Variants in MED13 observed in about 807,000 individuals in gnomAD.
MED13 encodes mediator complex subunit 13.
In MED13, 23 loss-of-function variants were observed where a neutral mutation model predicts 225.2. That is an observed-to-expected ratio of 0.10 (90% confidence interval 0.07 to 0.14). The LOEUF is 0.14. MED13 is among the 10% of genes least tolerant of loss of function. MED13 has a pLI of 1.00. For missense variants in MED13, 2,197 were observed against 2,594.5 expected, an observed-to-expected ratio of 0.85 and a Z score of 3.33; for synonymous variants, 942 against 889.2, an observed-to-expected ratio of 1.06 and a Z score of -1.06.
chr17:62,043,624 A>G (rs756882335), intron 3 of MED13, among the ~76,000 whole-genome samples: 22 of 152,198 alleles, frequency 1.4e-4, no homozygotes, highest in Non-Finnish European at 2.9e-4. Flanking sequence ...TTAAACCCCT[A>G]GAACTGTGTT....
chr17:62,013,131 C>T (rs1188687301), intron 8 of MED13, among the ~76,000 whole-genome samples: 1 of 151,296 alleles, frequency 6.6e-6, no homozygotes. Context: ...TCTTATTGTG[C>T]ATAGAGAAAA....
chr17:62,051,246 C>A (rs2080954197), intron 3 of MED13, among the ~76,000 whole-genome samples: 1 of 152,176 alleles, frequency 6.6e-6, no homozygotes, highest in Non-Finnish European at 1.5e-5. Context: ...GGTGCCACAC[C>A]TTCCTTACTT....
chr17:61,988,603 T>C (rs577514778), intron 11 of MED13, among the ~76,000 whole-genome samples: 1 of 152,302 alleles, frequency 6.6e-6, no homozygotes, highest in Admixed American at 6.5e-5. Context: ...CTCCAGAATG[T>C]AGCATATGTC....
chr17:62,064,382 A>G (rs1290946195), intron 1 of MED13, among the ~76,000 whole-genome samples: 1 of 152,186 alleles, frequency 6.6e-6, no homozygotes, highest in African/African-American at 2.4e-5. Context: ...TTCCATTTCA[A>G]TCAAACAAGG....
intron 6 of MED13, 94 bp from the exon 7 acceptor site, chr17:62,030,107 C>A: frequency 9.1e-7 from 1 of 1,093,460 alleles, no homozygotes; most frequent in Non-Finnish European, 1.2e-6. Context: ...ATACAAGCTG[C>A]TCCAGCTATC....
At chr17:61,959,298 G>GT (rs1489857977) in intron 23 of MED13, among the ~76,000 whole-genome samples, 1 of 152,146 alleles carries the variant, frequency 6.6e-6, no homozygotes, top group Non-Finnish European at 1.5e-5. Flanking sequence ...AGAGGCATGA[G>GT]TCACCATGCC....
At position 62,029,668 on chromosome 17, in the gene MED13, CAA is replaced by C; in HGVS notation, c.1173-19_1173-18del. On this transcript the variant is annotated intron_variant, in intron 7 of 29. Transcript: ENST00000397786. ...TACTTCCTCCTAAGATTTAAAGTTA[CAA>C]AATTCTTTAAAATTCATAAAATTTT... is the stretch of plus-strand genomic sequence containing the variant. 1 of 1,591,932 alleles carries C rather than the reference CAA, an allele frequency of 6.3e-7. No homozygotes were observed. Among genetic ancestry groups the C allele is most frequent in the South Asian group, 1.1e-5 (1 of 87,612 alleles).
chr17:62,041,069 G>T (rs560401449), intron 3 of MED13, among the ~76,000 whole-genome samples: 85 of 152,280 alleles, frequency 5.6e-4, no homozygotes, highest in African/African-American at 2.0e-3. Flanking sequence ...GACTTGATGA[G>T]AGATATGCAG....
intron 27 of MED13, among the ~76,000 whole-genome samples, chr17:61,951,769 T>C (rs1046537447): frequency 6.6e-6 from 1 of 152,210 alleles, no homozygotes; most frequent in Non-Finnish European, 1.5e-5. Flanking sequence ...GTATTTCCTA[T>C]CTAATTTCTT....
At chr17:62,040,737 C>T (rs1033337313) in intron 3 of MED13, among the ~76,000 whole-genome samples, 7 of 152,082 alleles carry the variant, frequency 4.6e-5, no homozygotes, top group African/African-American at 1.7e-4. Context: ...CTTCAAAAGT[C>T]GTTTCTCCAA....
At chr17:61,990,097 C>T (rs899381072) in intron 11 of MED13, among the ~76,000 whole-genome samples, 1 of 152,140 alleles carries the variant, frequency 6.6e-6, no homozygotes, top group Non-Finnish European at 1.5e-5. Context: ...AAAACACACA[C>T]CAGAAGATGA....
chr17:61,959,308 C>T (rs1002946142), intron 23 of MED13, among the ~76,000 whole-genome samples: 9 of 152,102 alleles, frequency 5.9e-5, no homozygotes, highest in Admixed American at 2.6e-4. Context: ...GTCACCATGC[C>T]CAGCCCCATC....
Position 62,048,166 on chromosome 17 carries a change from G to A in MED13, c.470+4371C>T, listed in dbSNP as rs540722693. On this transcript the variant is annotated intron_variant, in intron 3 of 29. Transcript: ENST00000397786. ...CACACCTGTAATCCCAGCACTTTGG[G>A]AGGCTGAGGTGGGCAGAACACTTGA... 2.9e-3 allele frequency among the ~76,000 whole-genome samples: 428 copies of A among 149,548 alleles called. 4 individuals carry two copies. Among genetic ancestry groups the A allele is most frequent in the African/African-American group, 9.9e-3 (406 of 41,006 alleles).
At chr17:62,030,205 T>G in intron 6 of MED13, 192 bp from the exon 7 acceptor site, 1 of 513,260 alleles carries the variant, frequency 1.9e-6, no homozygotes. Context: ...CAAGTACATC[T>G]CTGTAACCTA....
intron 8 of MED13, among the ~76,000 whole-genome samples, chr17:62,014,281 TATG>T (rs2080540092): frequency 6.6e-6 from 1 of 151,124 alleles, no homozygotes; most frequent in South Asian, 2.1e-4. Context: ...TAGAACTTTC[TATG>T]ATGATGGGAA....
rs772151991 is a variant in MED13, at chr17:61,995,246, T to A, written c.2087A>T (p.Asp696Val). 1 of 1,613,804 alleles carries A rather than the reference T, an allele frequency of 6.2e-7. No homozygotes were observed. Residue 696 changes from aspartate (D) to valine (V), a missense_variant, in exon 10 of 30, where the codon GAT becomes GTT. By Grantham distance (152) the Asp-to-Val change is radical (BLOSUM62 -3). Transcript: ENST00000397786. ...ATCTCCTTCAACAAATGCATATGGA[T>A]CAATTTTAGGTTCTTGTTCTGCATC... is the stretch of plus-strand genomic sequence containing the variant. ...ASDAEQEPKI[D>V]PYAFVEGDEE...
At position 62,063,248 on chromosome 17, in the gene MED13, A is replaced by T. The variant is rs931580734; in HGVS notation, c.120T>A (p.Ser40=). The change falls in exon 2 of 30, where the codon TCT becomes TCA. Residue 40 remains serine, a synonymous_variant. Transcript: ENST00000397786. The stretch of plus-strand genomic sequence containing the variant: ...CTGTCACAGGAAACAGAATAGGGGC[A>T]GAAGTTGGGCCTTGCCATACATATT... The part of the protein sequence containing the change: ...WKKYVWQGPT[S]APILFPVTEE... 2 of 1,614,166 alleles carry T rather than the reference A, an allele frequency of 1.2e-6. No individual in the cohort carries two copies. Among genetic ancestry groups the T allele is most frequent in the Non-Finnish European group, 1.7e-6 (2 of 1,180,000 alleles).
rs375543531 is a variant in MED13, at chr17:62,047,760, AAGAGAG to A, written c.470+4771_470+4776del. Among the ~76,000 whole-genome samples the A allele has an allele frequency of 4.6e-4, 69 of 149,864 alleles. No individual in the cohort carries two copies. The East Asian group carries it at 0.011, about 23-fold the overall frequency. ...AATAAATAAAATAAGATCATTAAAA[AAGAGAG>A]AGAGAGAGAGAGACGGGGGTCTAGC... On this transcript the variant is annotated intron_variant, in intron 3 of 29. Coordinates refer to ENST00000397786, the MANE Select transcript of MED13 (RefSeq NM_005121.3).
At chr17:62,015,932 A>ATT (rs2080566834) in intron 8 of MED13, among the ~76,000 whole-genome samples, 1 of 7,728 alleles carries the variant, frequency 1.3e-4, no homozygotes, top group Non-Finnish European at 3.5e-4. Context: ...ATATATATAT[A>ATT]TATATATATA....
Sources: gnomAD v4.1 joint callset for allele counts (sites outside exome capture counted in the v4.1 genomes callset) on GRCh38, gnomAD v4.1.1 for gene constraint, MANE v1.5 for transcripts, NCBI Gene and HGNC (gene_info 2026-07-23, HGNC 2026-07-21) for gene names.